Variants in CDH18 observed in about 807,000 individuals in gnomAD.
The protein encoded by CDH18 is cadherin-18.
A neutral mutation model predicts 67.9 loss-of-function variants in CDH18; 31 were observed. That is an observed-to-expected ratio of 0.46 (90% CI 0.34 to 0.62). CDH18 has a LOEUF of 0.62. CDH18 is among the 20% of genes least tolerant of loss of function. The pLI is 0.01. For synonymous variants in CDH18, 362 were observed against 347.2 expected (o/e 1.04, Z -0.48); for missense variants, 890 against 975.5 (o/e 0.91, Z 1.17).
chr5:19,531,515 G>C (rs1392478725), intron 9 of CDH18, among the ~76,000 whole-genome samples: 1 of 152,032 alleles, frequency 6.6e-6, no homozygotes, highest in Non-Finnish European at 1.5e-5. Context: ...AGTTTGGAAA[G>C]CAATTTGGCA....
intron 2 of CDH18, among the ~76,000 whole-genome samples, chr5:20,190,494 T>G (rs1738450873): frequency 1.3e-5 from 2 of 152,098 alleles, no homozygotes; most frequent in African/African-American, 4.8e-5. Context: ...TCCCCCTCAC[T>G]ATATCAAGCA....
chr5:19,661,764 C>T (rs1041971343), intron 5 of CDH18, among the ~76,000 whole-genome samples: 1 of 152,036 alleles, frequency 6.6e-6, no homozygotes, highest in African/African-American at 2.4e-5. Context: ...TGAAACCTTT[C>T]TAAGAGCCTG....
chr5:19,942,075 A>T (rs750886177), intron 2 of CDH18, among the ~76,000 whole-genome samples: 16 of 152,152 alleles, frequency 1.1e-4, no homozygotes, highest in Non-Finnish European at 2.1e-4. Context: ...CTTCAAAAAA[A>T]TAAGACCTAA....
intron 2 of CDH18, among the ~76,000 whole-genome samples, chr5:20,167,592 G>A (rs548314658): frequency 1.3e-5 from 2 of 152,242 alleles, no homozygotes; most frequent in South Asian, 2.1e-4. Context: ...GTTTGGGTAC[G>A]GTGGTAAATA....
chr5:20,292,954 TAG>T (rs1318435980), intron 1 of CDH18, among the ~76,000 whole-genome samples: 1 of 152,152 alleles, frequency 6.6e-6, no homozygotes, highest in Non-Finnish European at 1.5e-5. Flanking sequence ...TACTAGGGGT[TAG>T]GGTTTCAACA....
At chr5:19,532,523 T>G (rs1320938541) in intron 9 of CDH18, among the ~76,000 whole-genome samples, 2 of 152,208 alleles carry the variant, frequency 1.3e-5, no homozygotes, top group African/African-American at 4.8e-5. Flanking sequence ...CTTGGTTCAT[T>G]CATTATGAGT....
At chr5:20,056,018 T>G (rs1251781049) in intron 2 of CDH18, among the ~76,000 whole-genome samples, 2 of 138,620 alleles carry the variant, frequency 1.4e-5, no homozygotes, top group Non-Finnish European at 3.0e-5. Context: ...TTTTTTTTTT[T>G]TGTGAGATTT....
At chr5:20,076,758 G>T (rs920181276) in intron 2 of CDH18, among the ~76,000 whole-genome samples, 6 of 152,020 alleles carry the variant, frequency 3.9e-5, no homozygotes, top group African/African-American at 1.4e-4. Flanking sequence ...TATTTTAGGA[G>T]AATTTTAGAA....
intron 3 of CDH18, among the ~76,000 whole-genome samples, chr5:19,812,734 G>T (rs1778872138): frequency 6.6e-6 from 1 of 152,058 alleles, no homozygotes; most frequent in African/African-American, 2.4e-5. Flanking sequence ...GTGTAAATTA[G>T]CTCAAACATT....
At chr5:19,847,030 T>C (rs1051282007) in intron 2 of CDH18, among the ~76,000 whole-genome samples, 3 of 152,128 alleles carry the variant, frequency 2.0e-5, no homozygotes, top group Non-Finnish European at 4.4e-5. Context: ...TTTCATGTGA[T>C]GAGTCACTTT....
chr5:19,583,730 G>A (rs74719441), intron 7 of CDH18, among the ~76,000 whole-genome samples: 2,708 of 152,152 alleles, frequency 0.018, 86 homozygotes, highest in African/African-American at 0.062. Context: ...TTTTCACCTC[G>A]TTTCATGTTT....
At chr5:20,011,320 G>T (rs1210731986) in intron 2 of CDH18, among the ~76,000 whole-genome samples, 8 of 152,106 alleles carry the variant, frequency 5.3e-5, no homozygotes, top group Non-Finnish European at 1.2e-4. Flanking sequence ...CCAATACTTT[G>T]CCAAAGTTTC....
intron 1 of CDH18, among the ~76,000 whole-genome samples, chr5:20,384,937 A>G (rs189872388): frequency 2.5e-4 from 38 of 152,130 alleles, no homozygotes; most frequent in African/African-American, 8.9e-4. Flanking sequence ...CCCGGGTTCT[A>G]GTGATTCTCC....
At chr5:19,695,584 A>G (rs970974529) in intron 5 of CDH18, among the ~76,000 whole-genome samples, 26 of 152,190 alleles carry the variant, frequency 1.7e-4, no homozygotes, top group African/African-American at 6.3e-4. Flanking sequence ...TTATTGTTTC[A>G]AAGTTCGCTG....
chr5:20,122,047 A>T (rs543484281), intron 2 of CDH18, among the ~76,000 whole-genome samples: 121 of 152,310 alleles, frequency 7.9e-4, no homozygotes, highest in African/African-American at 2.8e-3. Flanking sequence ...CTCACAATGA[A>T]GTATGTAGAG....
At chr5:20,364,313 A>C (rs1742336916) in intron 1 of CDH18, among the ~76,000 whole-genome samples, 1 of 150,810 alleles carries the variant, frequency 6.6e-6, no homozygotes, top group African/African-American at 2.4e-5. Flanking sequence ...AATTGAACCT[A>C]AAAAGGTTTA....
At chr5:19,905,659 A>G (rs534380572) in intron 2 of CDH18, among the ~76,000 whole-genome samples, 2 of 152,140 alleles carry the variant, frequency 1.3e-5, no homozygotes, top group Non-Finnish European at 2.9e-5. Flanking sequence ...ACTTGTTTTT[A>G]ACCTTTAAAA....
At chr5:20,229,839 C>T (rs892431588) in intron 2 of CDH18, among the ~76,000 whole-genome samples, 1 of 151,756 alleles carries the variant, frequency 6.6e-6, no homozygotes, top group African/African-American at 2.4e-5. Context: ...ACATAGTGTC[C>T]CAGATTCTGT....
chr5:20,519,473 A>G (rs1415256907), intron 1 of CDH18, among the ~76,000 whole-genome samples: 4 of 151,990 alleles, frequency 2.6e-5, no homozygotes, highest in Non-Finnish European at 4.4e-5. Context: ...ACTGTTGTGG[A>G]GTGGGAGGAG....
Sources: allele counts gnomAD v4.1 joint callset (sites outside exome capture counted in the v4.1 genomes callset), GRCh38; gene constraint gnomAD v4.1.1; transcripts MANE v1.5; gene names NCBI Gene and HGNC (gene_info 2026-07-23, HGNC 2026-07-21).